SCN10A: variants seen among roughly 807,000 people sequenced by gnomAD.
The protein encoded by SCN10A is sodium channel protein type 10 subunit alpha.
Under a neutral mutation model 170.7 loss-of-function variants are expected in SCN10A, and 162 were observed. The ratio of observed to expected loss-of-function variants is 0.95; its 90% CI spans 0.84 to 1.08. SCN10A has a LOEUF of 1.08. Among genes scored for constraint, SCN10A ranks in the 50% least tolerant of loss-of-function variants. The pLI is 0.00. For synonymous variants in SCN10A, 985 were observed against 904.6 expected (o/e 1.09, Z -1.59); for missense variants, 2,527 against 2,436.9 (o/e 1.04, Z -0.78).
intron 1 of SCN10A, among the ~76,000 whole-genome samples, chr3:38,794,415 T>G (rs2064324532): frequency 2.0e-5 from 3 of 152,210 alleles, no homozygotes; most frequent in South Asian, 4.1e-4. Context: ...CTTTGGTTTA[T>G]AGTCTACTTT....
At chr3:38,754,480 A>T (rs959045976) in intron 11 of SCN10A, among the ~76,000 whole-genome samples, 28 of 152,226 alleles carry the variant, frequency 1.8e-4, no homozygotes, top group African/African-American at 6.5e-4. Context: ...CACTGGAGAG[A>T]CAAGCACACA....
chr3:38,810,425 C>T (rs1397345678), intron 1 of SCN10A, among the ~76,000 whole-genome samples: 2 of 152,158 alleles, frequency 1.3e-5, no homozygotes, highest in Non-Finnish European at 2.9e-5. Flanking sequence ...TCACAAGTCA[C>T]ATTCTGATTT....
chr3:38,760,197 G>A (rs1159646829), intron 8 of SCN10A, among the ~76,000 whole-genome samples: 1 of 152,172 alleles, frequency 6.6e-6, no homozygotes, highest in African/African-American at 2.4e-5. Flanking sequence ...ATGTACAAAA[G>A]GTACATTGTG....
chr3:38,721,862 C>G (rs1046535708), intron 20 of SCN10A, among the ~76,000 whole-genome samples: 1 of 152,172 alleles, frequency 6.6e-6, no homozygotes, highest in Non-Finnish European at 1.5e-5. Context: ...CAGAGAAGGC[C>G]GTGTGTTGGG....
rs2063608473 is a variant in SCN10A at position 38,739,595 on chromosome 3, A to C, written c.2200T>G (p.Cys734Gly). 6.2e-7 allele frequency: 1 copy of C among 1,614,052 alleles called. No homozygotes were observed. The highest frequency in any genetic ancestry group is 1.3e-5 in the African/African-American group (1 of 74,944). The change falls in exon 15 of 28, where the codon TGC becomes GGC. Residue 734 changes from cysteine (C) to glycine (G), a missense_variant. Coordinates refer to ENST00000449082, the MANE Select transcript of SCN10A (RefSeq NM_006514.4). Reference protein sequence around the residue: ...YFQKKWNIFDCIIVTVSLLEL... With the variant: ...YFQKKWNIFDGIIVTVSLLEL... The stretch of plus-strand genomic sequence containing the variant: ...AGCAGACTCACAGTGACGATGATGC[A>C]GTCAAAGATATTCCACTTCTTCTGG...
At chr3:38,783,902 GA>G (rs1353803938) in intron 4 of SCN10A, among the ~76,000 whole-genome samples, 2 of 151,950 alleles carry the variant, frequency 1.3e-5, no homozygotes, top group Admixed American at 6.6e-5. Flanking sequence ...CTTCTATGAT[GA>G]ACATGTAATA....
chr3:38,709,193 C>T (rs1351563002), intron 25 of SCN10A, among the ~76,000 whole-genome samples: 1 of 152,158 alleles, frequency 6.6e-6, no homozygotes, highest in African/African-American at 2.4e-5. Flanking sequence ...CTTGTATTCT[C>T]CCAGGGCTCA....
chr3:38,780,871 G>A (rs1012129978), intron 4 of SCN10A, among the ~76,000 whole-genome samples: 2 of 152,084 alleles, frequency 1.3e-5, no homozygotes, highest in African/African-American at 4.8e-5. Context: ...CAAAGGAGAT[G>A]AGAACCTTGA....
rs922198973 is a variant in SCN10A, at chr3:38,709,496, G to T, written c.4263C>A (p.Phe1421Leu). 1.2e-6 allele frequency: 2 copies of T among 1,608,250 alleles called. No homozygotes were observed. Among genetic ancestry groups the T allele is most frequent in the South Asian group, 1.1e-5 (1 of 89,628 alleles). ...CACTTATCTTTTTTTTCTGTTGATT[G>T]AAGTTGTCAATTATGACCCCAACAA... ...NLFVGVIIDN[F>L]NQQKKKLGGQ... Residue 1421 changes from phenylalanine to leucine, a missense_variant, in exon 25 of 28, where the codon TTC becomes TTA. Transcript: ENST00000449082.
chr3:38,732,657 A>G (rs2063523172), intron 15 of SCN10A, among the ~76,000 whole-genome samples: 1 of 152,194 alleles, frequency 6.6e-6, no homozygotes, highest in Non-Finnish European at 1.5e-5. Flanking sequence ...TGGAATGTCA[A>G]TCTATGTTAT....
intron 15 of SCN10A, among the ~76,000 whole-genome samples, chr3:38,729,499 C>A (rs11710462): frequency 0.24 from 37,000 of 151,808 alleles, 4,662 homozygotes; most frequent in African/African-American, 0.28. Flanking sequence ...GAACTCCAGC[C>A]GTGCAGGTGC....
In SCN10A at chr3:38,772,718, C is replaced by CAA. The variant is rs1433827001; in HGVS notation, c.471-1313_471-1312dup. ...ACAACAACAACAACAGCAACAACAA[C>CAA]AACAACAAAAACAAAAACAAAAAAA... On this transcript the variant is annotated intron_variant, in intron 4 of 27. Coordinates refer to ENST00000449082, the MANE Select transcript of SCN10A (RefSeq NM_006514.4). Among the ~76,000 whole-genome samples the CAA allele has an allele frequency of 5.2e-5, 4 of 76,594 alleles. No individual in the cohort carries two copies. In the East Asian group the frequency reaches 1.3e-3, roughly 25 times the overall value. The allele number at this position is 76,594 out of a possible 152,430, so 50.2% of individuals were successfully genotyped here. A position where few individuals can be genotyped will look rare whatever the true frequency, so the allele number is the denominator to read the frequency against.
chr3:38,758,532 T>C (rs1044995897), intron 8 of SCN10A, among the ~76,000 whole-genome samples: 4 of 152,214 alleles, frequency 2.6e-5, no homozygotes, highest in African/African-American at 4.8e-5. Flanking sequence ...TGGAATAATA[T>C]ATGTGGAAGA....
chr3:38,713,528 G>C (rs1281432916), intron 22 of SCN10A, among the ~76,000 whole-genome samples: 2 of 152,036 alleles, frequency 1.3e-5, no homozygotes, highest in Non-Finnish European at 2.9e-5. Context: ...CCCACAAAAA[G>C]ACTTGAAAGA....
intron 4 of SCN10A, among the ~76,000 whole-genome samples, chr3:38,775,456 A>G (rs1185162963): frequency 6.6e-6 from 1 of 152,164 alleles, no homozygotes; most frequent in East Asian, 1.9e-4. Context: ...TATATACTAC[A>G]TTTTTTATCC....
In SCN10A at chr3:38,726,632, G is replaced by A. The variant is rs751252167; in HGVS notation, c.3061C>T (p.Gln1021Ter). Reference protein sequence around the residue: ...DDGGEDAQSFQQEVIPKGQQE... With the variant: ...DDGGEDAQSF ...TGTCCTTTGGGGATCACTTCCTGCTGGAAGCTCTGAGCATCTTCCCCACCA... is the reference window on the plus strand; with the variant it reads ...TGTCCTTTGGGGATCACTTCCTGCTAGAAGCTCTGAGCATCTTCCCCACCA... Residue 1021 changes from glutamine (Q) to a stop codon, truncating the protein, a stop_gained, in exon 17 of 28, where the codon CAG becomes TAG. Transcript: ENST00000449082. LOFTEE classifies it high-confidence loss of function. 1.7e-5 allele frequency: 27 copies of A among 1,594,860 alleles called. No homozygotes were observed. The highest frequency in any genetic ancestry group is 2.7e-5 in the African/African-American group (2 of 74,616).
intron 1 of SCN10A, among the ~76,000 whole-genome samples, chr3:38,799,127 GTTC>G (rs2064357254): frequency 6.6e-6 from 1 of 152,182 alleles, no homozygotes; most frequent in Admixed American, 6.5e-5. Context: ...TTTCTCTATT[GTTC>G]TTCTCTAAAG....
chr3:38,754,579 C>T (rs1407699016), intron 11 of SCN10A, among the ~76,000 whole-genome samples: 1 of 152,140 alleles, frequency 6.6e-6, no homozygotes, highest in Non-Finnish European at 1.5e-5. Context: ...TTGACATTTC[C>T]ATGGAAGCTG....
chr3:38,782,926 C>T (rs1179555817), intron 4 of SCN10A, among the ~76,000 whole-genome samples: 2 of 152,110 alleles, frequency 1.3e-5, no homozygotes, highest in African/African-American at 4.8e-5. Flanking sequence ...GTGGCTTATG[C>T]AACAGAAATT....
Sources: allele counts gnomAD v4.1 joint callset (sites outside exome capture counted in the v4.1 genomes callset), GRCh38; gene constraint gnomAD v4.1.1; transcripts MANE v1.5; gene names NCBI Gene and HGNC (gene_info 2026-07-23, HGNC 2026-07-21).